The following AP3B1 variants were observed in gnomAD, a reference collection of about 807,000 sequenced individuals.
The protein encoded by AP3B1 is AP-3 complex subunit beta-1.
Under a neutral mutation model 132.5 loss-of-function variants are expected in AP3B1, and 61 were observed. The ratio of observed to expected loss-of-function variants is 0.46; its 90% CI spans 0.37 to 0.57. The LOEUF (loss-of-function observed/expected upper bound fraction) is 0.57. AP3B1 is among the 20% of genes least tolerant of loss of function. The probability of loss-of-function intolerance (pLI) is 0.00; values close to 1 mark genes in which losing one functional copy is unlikely to be tolerated. For missense variants in AP3B1, 1,120 were observed against 1,289.4 expected (o/e 0.87, Z 2.01); for synonymous variants, 388 against 438.3 (o/e 0.89, Z 1.43).
chr5:78,181,400 A>C (rs1744361444), intron 8 of AP3B1, 107 bp downstream of exon 8: 1 of 1,071,084 alleles, frequency 9.3e-7, no homozygotes, highest in Non-Finnish European at 1.4e-6. Context: ...TGTGTAAACA[A>C]ACAAATGCTC....
rs538290234 is a variant in AP3B1 at position 78,050,719 on chromosome 5, CTT to C, written c.2578-11447_2578-11446del. Among the ~76,000 whole-genome samples the C allele has an allele frequency of 2.2e-4, 33 of 152,156 alleles. No individual in the cohort carries two copies. The East Asian group carries it at 2.3e-3, about 11-fold the overall frequency. Reference sequence around the variant, plus strand: ...TTATAAGTGTATTATTTTATTAAAACTTATATAAACAAGAGTATGAAAGACAA... The same window carrying C: ...TTATAAGTGTATTATTTTATTAAAACATATAAACAAGAGTATGAAAGACAA... On this transcript the variant is annotated intron_variant, in intron 22 of 26. Coordinates refer to ENST00000255194, the MANE Select transcript of AP3B1 (RefSeq NM_003664.5).
intron 7 of AP3B1, among the ~76,000 whole-genome samples, chr5:78,188,908 C>T (rs1249768838): frequency 4.6e-5 from 7 of 151,982 alleles, no homozygotes; most frequent in Non-Finnish European, 5.9e-5. Flanking sequence ...TAAAAAGGAA[C>T]GAGATAATGT....
chr5:78,228,215 G>C lies in AP3B1; in HGVS notation c.304C>G (p.Leu102Val). Residue 102 changes from leucine to valine, a missense_variant, in exon 4 of 27, where the codon CTG becomes GTG. This residue lies in a region of AP3B1 where 129 missense variants were observed against 212.4 expected (regional missense o/e 0.61). Coordinates refer to ENST00000255194, the MANE Select transcript of AP3B1 (RefSeq NM_003664.5). The stretch of plus-strand genomic sequence containing the variant: ...TGCTGTTCTTCAGCATATCGAACCA[G>C]GTAAACATATACCAACTTCTTGATC... Reference protein sequence around the residue: ...IEIKKLVYVYLVRYAEEQQDL... With the variant: ...IEIKKLVYVYVVRYAEEQQDL... The C allele has an allele frequency of 6.2e-7, 1 of 1,610,138 alleles. No individual in the cohort carries two copies. Among genetic ancestry groups the C allele is most frequent in the South Asian group, 1.1e-5 (1 of 90,752 alleles).
chr5:78,135,185 C>T (rs999800916), intron 15 of AP3B1, among the ~76,000 whole-genome samples: 5 of 152,040 alleles, frequency 3.3e-5, no homozygotes, highest in African/African-American at 1.2e-4. Flanking sequence ...AAATCTCTCA[C>T]TAAGAGTAAA....
intron 7 of AP3B1, 61 bp from the exon 8 acceptor site, chr5:78,181,723 T>C (rs1271896728): frequency 1.2e-5 from 18 of 1,482,790 alleles, no homozygotes; most frequent in Admixed American, 2.0e-5. Flanking sequence ...GCATATTATA[T>C]AGTCAAAGAA....
Position 78,113,937 on chromosome 5 carries a change from C to T in AP3B1, c.2078-14G>A, listed in dbSNP as rs1458694127. 61 of 1,613,280 alleles carry T rather than the reference C, an allele frequency of 3.8e-5. No homozygotes were observed. Among genetic ancestry groups the T allele is most frequent in the Non-Finnish European group, 5.0e-5 (59 of 1,179,456 alleles). ...CAGATTCACTCTCTGAAAAACAGAA[C>T]CAGATGTTCTTAGATTTATAGTCAT... On this transcript the variant is annotated splice_polypyrimidine_tract_variant and intron_variant, in intron 18 of 26. Transcript: ENST00000255194.
intron 7 of AP3B1, among the ~76,000 whole-genome samples, chr5:78,197,285 A>G (rs1409613930): frequency 1.4e-5 from 2 of 141,206 alleles, no homozygotes; most frequent in Non-Finnish European, 3.0e-5. Flanking sequence ...AATGCTAGTG[A>G]AAAAAAAAAT....
chr5:78,279,919 T>TGACTTAA (rs70997983), intron 1 of AP3B1, among the ~76,000 whole-genome samples: 7 of 142,690 alleles, frequency 4.9e-5, no homozygotes, highest in Non-Finnish European at 6.1e-5. Flanking sequence ...TATATATATA[T>TGACTTAA]ATATATATAT....
chr5:78,051,733 G>A (rs994857224), intron 22 of AP3B1, among the ~76,000 whole-genome samples: 1 of 151,954 alleles, frequency 6.6e-6, no homozygotes, highest in Non-Finnish European at 1.5e-5. Flanking sequence ...TATATAAAAT[G>A]CTCTTTGTAT....
At chr5:78,106,797 T>A (rs1347618419) in intron 20 of AP3B1, among the ~76,000 whole-genome samples, 1 of 152,164 alleles carries the variant, frequency 6.6e-6, no homozygotes, top group Non-Finnish European at 1.5e-5. Flanking sequence ...CAGAGATAAT[T>A]CTGGGGCTTC....
chr5:78,194,608 T>C (rs1241341929), intron 7 of AP3B1, among the ~76,000 whole-genome samples: 2 of 152,172 alleles, frequency 1.3e-5, no homozygotes, highest in African/African-American at 4.8e-5. Flanking sequence ...CCATAAAACC[T>C]GCTCTTTTAC....
At chr5:78,077,873 C>T (rs186774909) in intron 22 of AP3B1, among the ~76,000 whole-genome samples, 5 of 152,322 alleles carry the variant, frequency 3.3e-5, no homozygotes, top group Admixed American at 2.0e-4. Context: ...CCTCATAACA[C>T]GCTGCTCTAT....
chr5:78,174,185 T>A (rs1366696938), intron 11 of AP3B1, among the ~76,000 whole-genome samples: 1 of 152,172 alleles, frequency 6.6e-6, no homozygotes, highest in African/African-American at 2.4e-5. Flanking sequence ...CCTACTTCCG[T>A]CAACTCATCA....
At chr5:78,039,684 A>G (rs1747971433) in intron 22 of AP3B1, among the ~76,000 whole-genome samples, 1 of 151,210 alleles carries the variant, frequency 6.6e-6, no homozygotes, top group African/African-American at 2.4e-5. Flanking sequence ...AGGCTGAGGC[A>G]GGAGAATGGC....
intron 2 of AP3B1, among the ~76,000 whole-genome samples, chr5:78,248,343 A>G (rs1226609259): frequency 6.6e-6 from 1 of 151,958 alleles, no homozygotes; most frequent in Admixed American, 6.6e-5. Flanking sequence ...TACAAAAATT[A>G]GCCAGGTGTG....
intron 21 of AP3B1, among the ~76,000 whole-genome samples, chr5:78,095,303 C>T (rs1050534954): frequency 6.6e-6 from 1 of 152,220 alleles, no homozygotes; most frequent in Non-Finnish European, 1.5e-5. Flanking sequence ...TAGCAAACAA[C>T]CTGTGTGGAT....
intron 14 of AP3B1, among the ~76,000 whole-genome samples, chr5:78,144,829 T>TTTGTTGTTG (rs5868903): frequency 2.8e-5 from 4 of 140,750 alleles, no homozygotes; most frequent in Admixed American, 7.6e-5. Flanking sequence ...TATGGGTTGT[T>TTTGTTGTTG]TTGTTGTTGT....
At chr5:78,187,332 A>G (rs953692563) in intron 7 of AP3B1, among the ~76,000 whole-genome samples, 11 of 152,312 alleles carry the variant, frequency 7.2e-5, no homozygotes, top group Admixed American at 4.6e-4. Flanking sequence ...AAAGTGATAC[A>G]TAATGAAAGT....
intron 22 of AP3B1, among the ~76,000 whole-genome samples, chr5:78,059,472 G>A (rs1204947589): frequency 6.6e-6 from 1 of 152,192 alleles, no homozygotes; most frequent in East Asian, 1.9e-4. Flanking sequence ...CTTATGTTGT[G>A]AAACCTATCT....
Sources: gnomAD v4.1 joint callset for allele counts (sites outside exome capture counted in the v4.1 genomes callset) on GRCh38, gnomAD v4.1.1 for gene constraint, gnomAD v4.1.1 regional missense constraint, MANE v1.5 for transcripts, NCBI Gene and HGNC (gene_info 2026-07-23, HGNC 2026-07-21) for gene names.